TP73: variants seen among roughly 807,000 people sequenced by gnomAD.
TP73 encodes p53-like transcription factor.
In TP73, 25 loss-of-function variants were observed where a neutral mutation model predicts 62.5. The observed-to-expected ratio is 0.40, with a 90% CI of 0.29 to 0.56. TP73 has a LOEUF of 0.56. Among genes scored for constraint, TP73 ranks in the 20% least tolerant of loss-of-function variants. The pLI, the probability that TP73 is intolerant of heterozygous loss-of-function variation, is 0.46. For synonymous variants in TP73, 423 were observed against 377.5 expected (o/e 1.12, Z -1.40); for missense variants, 754 against 913.3 (o/e 0.83, Z 2.25).
chr1:3,674,649 T>G (rs1405786047), intron 1 of TP73, among the ~76,000 whole-genome samples: 1 of 152,202 alleles, frequency 6.6e-6, no homozygotes, highest in African/African-American at 2.4e-5. Context: ...CAGAGGGCCT[T>G]GCCCCTGAGA....
intron 1 of TP73, among the ~76,000 whole-genome samples, chr1:3,653,276 C>G (rs1414251300): frequency 6.6e-6 from 1 of 152,228 alleles, no homozygotes; most frequent in East Asian, 1.9e-4. Context: ...CCGGAGCGGT[C>G]CCAGGTAGAG....
At chr1:3,729,978 G>A in intron 10 of TP73, 22 bp from the exon 11 acceptor site, 1 of 1,566,074 alleles carries the variant, frequency 6.4e-7, no homozygotes. Context: ...TCCCACCCAT[G>A]CGAGCCGTTG....
chr1:3,672,691 C>T lies in TP73; in HGVS notation c.-33-9642C>T, dbSNP rs1488591285. Among the ~76,000 whole-genome samples the T allele has an allele frequency of 1.3e-5, 2 of 152,040 alleles. No homozygotes were observed. Among genetic ancestry groups the T allele is most frequent in the African/African-American group, 4.8e-5 (2 of 41,380 alleles). ...CTTAGTGACAGATCTGCTCCTACCACCCCCGCCAGGGTCGCCCTTCCTCTA... is the reference window on the plus strand; with the variant it reads ...CTTAGTGACAGATCTGCTCCTACCATCCCCGCCAGGGTCGCCCTTCCTCTA... On this transcript the variant is annotated intron_variant, in intron 1 of 13. Coordinates refer to ENST00000378295, the MANE Select transcript of TP73 (RefSeq NM_005427.4). The surrounding 1 kb of genome is among the most constrained non-coding windows in gnomAD (Gnocchi z 5.3).
rs1645263055 is a variant in TP73 at position 3,672,456 on chromosome 1, A to G, written c.-33-9877A>G. The stretch of plus-strand genomic sequence containing the variant: ...TGTCTGTGCAGAACGAGGCTGTGGC[A>G]GCTCCAGCGAAGGCGGCTGCGGCCC... On this transcript the variant is annotated intron_variant, in intron 1 of 13. Transcript: ENST00000378295. This position sits in a 1 kb window ranked among gnomAD's most constrained non-coding sequence, Gnocchi z 5.3. Among the ~76,000 whole-genome samples, 1 of 152,050 alleles carries G rather than the reference A, an allele frequency of 6.6e-6. No homozygotes were observed.
At chr1:3,705,166 T>A (rs1401767219) in intron 3 of TP73, among the ~76,000 whole-genome samples, 1 of 152,234 alleles carries the variant, frequency 6.6e-6, no homozygotes, top group Non-Finnish European at 1.5e-5. Flanking sequence ...CCCCCCAGAA[T>A]GCTGGGATTA....
rs543964750 is a variant in TP73 at position 3,666,187 on chromosome 1, A to AGGCTGGT, written c.-34+13548_-34+13554dup. Among the ~76,000 whole-genome samples the AGGCTGGT allele has an allele frequency of 5.6e-4, 82 of 146,606 alleles. No homozygotes were observed. The highest frequency in any genetic ancestry group is 2.1e-3 in the African/African-American group (82 of 39,742). Reference sequence around the variant, plus strand: ...GAGAGAGAATCTCACTCTGCAGCCTAGGCTGGTGTGCAGTGGTGCAGTCAC... The same window carrying AGGCTGGT: ...GAGAGAGAATCTCACTCTGCAGCCTAGGCTGGTGGCTGGTGTGCAGTGGTGCAGTCAC... On this transcript the variant is annotated intron_variant, in intron 1 of 13. Coordinates refer to ENST00000378295, the MANE Select transcript of TP73 (RefSeq NM_005427.4). The surrounding 1 kb of genome is among the most constrained non-coding windows in gnomAD (Gnocchi z 6.4).
rs1267889579 is a variant in TP73, at chr1:3,731,017, C to T, written c.1436C>T (p.Ser479Phe). 1.9e-6 allele frequency: 3 copies of T among 1,612,472 alleles called. No homozygotes were observed. Among genetic ancestry groups the T allele is most frequent in the Admixed American group, 3.3e-5 (2 of 59,988 alleles). ...SHSAQSMVSGSHCTPPPPYHA... is the reference protein window; with the variant it reads ...SHSAQSMVSGFHCTPPPPYHA... ...AGCGCCCAGTCCATGGTCTCGGGGT[C>T]CCACTGCACTCCGCCACCCCCCTAC... The change falls in exon 12 of 14, where the codon TCC becomes TTC. Residue 479 changes from serine (S) to phenylalanine (F), a missense_variant. Ser to Phe is a radical substitution (Grantham distance 155). Around this residue, in one of 3 missense-constraint regions of TP73, gnomAD observed 458 missense variants for 528.7 expected, o/e 0.87. Transcript: ENST00000378295.
Position 3,683,114 on chromosome 1 carries a change from G to C in TP73, c.120G>C (p.Glu40Asp). ...CCCAGTCAAGCCGGGGGAATAATGA[G>C]GTGGTGGGCGGAACGGATTCCAGCA... ...DLPQSSRGNN[E>D]VVGGTDSSMD... The change falls in exon 3 of 14, where the codon GAG (glutamate) becomes GAC (aspartate). Residue 40 changes from glutamate (E) to aspartate (D), a missense_variant. This residue lies in a region of TP73 where 235 missense variants were observed against 251.4 expected (regional missense o/e 0.93). Coordinates refer to ENST00000378295, the MANE Select transcript of TP73 (RefSeq NM_005427.4). 3 of 1,612,668 alleles carry C rather than the reference G, an allele frequency of 1.9e-6. No homozygotes were observed. The South Asian group carries it at 3.3e-5, about 18-fold the overall frequency.
At chr1:3,722,273 G>A (rs1641133506) in intron 5 of TP73, 66 bp downstream of exon 5, 1 of 1,570,230 alleles carries the variant, frequency 6.4e-7, no homozygotes, top group East Asian at 2.3e-5. Context: ...GCACAGCCGG[G>A]GGCTGCCTAA....
chr1:3,688,477 G>A (rs748885892), intron 3 of TP73, among the ~76,000 whole-genome samples: 38 of 152,298 alleles, frequency 2.5e-4, no homozygotes, highest in Non-Finnish European at 3.5e-4. Context: ...CTGCGGCAGC[G>A]TCGTTCCCCC....
rs577814735 is a variant in TP73, at chr1:3,732,166, G to A, written c.1579-581G>A. Reference sequence around the variant, plus strand: ...GGGAACCTGCCCCCCAGCCAGTGCCGCGGCCCAGGTCCAAGGCCCGTCCCA... The same window carrying A: ...GGGAACCTGCCCCCCAGCCAGTGCCACGGCCCAGGTCCAAGGCCCGTCCCA... On this transcript the variant is annotated intron_variant, in intron 13 of 13. Transcript: ENST00000378295. Among the ~76,000 whole-genome samples the A allele has an allele frequency of 5.3e-5, 8 of 152,318 alleles. No homozygotes were observed. In the East Asian group the frequency reaches 9.7e-4, roughly 18 times the overall value.
At chr1:3,720,480 A>C (rs1640981128) in intron 4 of TP73, among the ~76,000 whole-genome samples, 3 of 152,160 alleles carry the variant, frequency 2.0e-5, no homozygotes, top group Non-Finnish European at 2.9e-5. Context: ...TTGTCCCTCC[A>C]GCCCCCTCAC....
intron 6 of TP73, among the ~76,000 whole-genome samples, chr1:3,725,267 T>C (rs954194825): frequency 3.3e-5 from 5 of 152,022 alleles, no homozygotes; most frequent in African/African-American, 1.2e-4. Flanking sequence ...CAGGACTCTG[T>C]GCTTCTCTGA....
intron 6 of TP73, among the ~76,000 whole-genome samples, chr1:3,725,767 G>T: frequency 3.1e-5 from 1 of 32,054 alleles, no homozygotes; most frequent in African/African-American, 1.1e-4. Context: ...GGATGGGGTG[G>T]GGGGGTGGAT....
At chr1:3,722,270 C>T (rs12737840) in intron 5 of TP73, 63 bp downstream of exon 5, 566,401 of 1,579,122 alleles carry the variant, frequency 0.36, 107,390 homozygotes, top group Middle Eastern at 0.45. Flanking sequence ...ACAGCACAGC[C>T]GGGGGCTGCC....
At chr1:3,703,380 G>T (rs1401586849) in intron 3 of TP73, among the ~76,000 whole-genome samples, 1 of 152,170 alleles carries the variant, frequency 6.6e-6, no homozygotes, top group Non-Finnish European at 1.5e-5. Flanking sequence ...TCGGGGCCCT[G>T]CCTGAGGAAG....
At chr1:3,707,935 C>T (rs967149396) in intron 4 of TP73, 144 bp downstream of exon 4, 41 of 1,362,598 alleles carry the variant, frequency 3.0e-5, no homozygotes, top group African/African-American at 5.8e-5. Flanking sequence ...GGAGGAGCAT[C>T]GGGCAGGAGG....
At chr1:3,718,216 C>A (rs546400248) in intron 4 of TP73, among the ~76,000 whole-genome samples, 1 of 152,264 alleles carries the variant, frequency 6.6e-6, no homozygotes, top group African/African-American at 2.4e-5. Flanking sequence ...CTCCCCGGGG[C>A]GGGGCGGGGC....
At position 3,696,708 on chromosome 1, in the gene TP73, G is replaced by A. The variant is rs1638692751; in HGVS notation, c.187-10841G>A. Among the ~76,000 whole-genome samples, 1 of 152,100 alleles carries A rather than the reference G, an allele frequency of 6.6e-6. No individual in the cohort carries two copies. The highest frequency in any genetic ancestry group is 2.1e-4 in the South Asian group (1 of 4,824). On this transcript the variant is annotated intron_variant, in intron 3 of 13. Coordinates refer to ENST00000378295, the MANE Select transcript of TP73 (RefSeq NM_005427.4). This position sits in a 1 kb window ranked among gnomAD's most constrained non-coding sequence, Gnocchi z 4.1. ...TGGGAATGGCTCATGGGATTGCTGA[G>A]CATGGCCAAGGGAGCCCTCAGCATC...
Sources: allele counts gnomAD v4.1 joint callset (sites outside exome capture counted in the v4.1 genomes callset), GRCh38; gene constraint gnomAD v4.1.1; regional missense constraint gnomAD v4.1.1; non-coding constraint Gnocchi (gnomAD v3.1); transcripts MANE v1.5; gene names NCBI Gene and HGNC (gene_info 2026-07-23, HGNC 2026-07-21).